The following IL1RAPL2 variants were observed in gnomAD, a reference collection of about 807,000 sequenced individuals.
IL1RAPL2 encodes X-linked interleukin-1 receptor accessory protein-like 2.
Under a neutral mutation model 44.1 loss-of-function variants are expected in IL1RAPL2, and 3 were observed. That is an observed-to-expected ratio of 0.07 (90% CI 0.03 to 0.18). IL1RAPL2 has a LOEUF of 0.18. Among genes scored for constraint, IL1RAPL2 ranks in the 10% least tolerant of loss-of-function variants. The probability of loss-of-function intolerance (pLI) is 1.00; values close to 1 mark genes in which losing one functional copy is unlikely to be tolerated. For synonymous variants in IL1RAPL2, 181 were observed against 178.8 expected (o/e 1.01, Z -0.10); for missense variants, 391 against 496.4 (o/e 0.79, Z 2.02).
intron 2 of IL1RAPL2, among the ~76,000 whole-genome samples, chrX:104,793,306 T>G (rs1932834822): frequency 8.9e-6 from 1 of 112,177 alleles, no homozygotes; most frequent in Non-Finnish European, 1.9e-5. Flanking sequence ...GATTCTAAGT[T>G]AAGAAGAACA....
At chrX:105,133,481 A>G (rs925064862) in intron 2 of IL1RAPL2, among the ~76,000 whole-genome samples, 2 of 111,723 alleles carry the variant, frequency 1.8e-5, no homozygotes, top group Admixed American at 1.9e-4. Flanking sequence ...TAAGTAATGC[A>G]TCTGATGTGT....
chrX:105,213,467 AT>A (rs1417364378), intron 3 of IL1RAPL2, among the ~76,000 whole-genome samples: 3 of 110,248 alleles, frequency 2.7e-5, no homozygotes, highest in African/African-American at 9.9e-5. Context: ...TCCAACAAAT[AT>A]GGGACTATGT....
Position 105,767,516 on chromosome X carries a change from A to G in IL1RAPL2, c.1916A>G (p.His639Arg), listed in dbSNP as rs368014818. 4.8e-5 allele frequency: 58 copies of G among 1,209,141 alleles called. No homozygotes were observed. Among genetic ancestry groups the G allele is most frequent in the Middle Eastern group, 2.3e-4 (1 of 4,353 alleles). The change falls in exon 11 of 11, where the codon CAT (histidine) becomes CGT (arginine). Residue 639 changes from histidine (H) to arginine (R), a missense_variant. Coordinates refer to ENST00000372582, the MANE Select transcript of IL1RAPL2 (RefSeq NM_017416.2). Reference sequence around the variant, plus strand: ...CCAGTACCTTCCTTAGGCAACCACCATACTTATTGTAACCTGCCTCTGACG... The same window carrying G: ...CCAGTACCTTCCTTAGGCAACCACCGTACTTATTGTAACCTGCCTCTGACG... ...TLPVPSLGNH[H>R]TYCNLPLTLL...
At chrX:105,163,818 A>G (rs2033347985) in intron 2 of IL1RAPL2, among the ~76,000 whole-genome samples, 1 of 110,850 alleles carries the variant, frequency 9.0e-6, no homozygotes, top group Non-Finnish European at 1.9e-5. Context: ...AGACTGGCCC[A>G]AGGTCCTTTC....
At chrX:105,258,448 C>T (rs1254373752) in intron 4 of IL1RAPL2, among the ~76,000 whole-genome samples, 1 of 111,713 alleles carries the variant, frequency 9.0e-6, no homozygotes, top group Admixed American at 9.5e-5. Flanking sequence ...CAAGAGTTTT[C>T]TGTATTTCCT....
At chrX:105,088,759 A>T (rs747486770) in intron 2 of IL1RAPL2, among the ~76,000 whole-genome samples, 1 of 111,662 alleles carries the variant, frequency 9.0e-6, no homozygotes, top group East Asian at 2.8e-4. Context: ...TGAATGTAAC[A>T]TCAATAAAGT....
At chrX:105,724,817 G>A (rs1482510373) in intron 7 of IL1RAPL2, among the ~76,000 whole-genome samples, 1 of 111,335 alleles carries the variant, frequency 9.0e-6, no homozygotes, top group African/African-American at 3.3e-5. Context: ...AATCATAAGG[G>A]GAAGACTTCT....
chrX:105,287,178 A>G (rs1272385311), intron 5 of IL1RAPL2, among the ~76,000 whole-genome samples: 1 of 112,050 alleles, frequency 8.9e-6, no homozygotes, highest in East Asian at 2.8e-4. Flanking sequence ...TGACCTAATC[A>G]GTGAGATCAG....
At chrX:105,602,637 C>T (rs2037261959) in intron 6 of IL1RAPL2, among the ~76,000 whole-genome samples, 1 of 110,337 alleles carries the variant, frequency 9.1e-6, no homozygotes, top group Non-Finnish European at 1.9e-5. Context: ...GCACTTTATA[C>T]TCAAATGTCA....
chrX:104,655,357 G>C (rs1009099660), intron 1 of IL1RAPL2, among the ~76,000 whole-genome samples: 10 of 111,492 alleles, frequency 9.0e-5, no homozygotes, highest in African/African-American at 3.3e-4. Context: ...TCAATACCTA[G>C]TTTATTGAGA....
intron 2 of IL1RAPL2, among the ~76,000 whole-genome samples, chrX:105,027,754 T>C (rs1158361098): frequency 9.0e-6 from 1 of 111,499 alleles, no homozygotes; most frequent in African/African-American, 3.3e-5. Flanking sequence ...ATAACCACTA[T>C]GAAGAACAGT....
At chrX:105,595,198 T>C (rs2037199663) in intron 6 of IL1RAPL2, among the ~76,000 whole-genome samples, 1 of 112,154 alleles carries the variant, frequency 8.9e-6, no homozygotes, top group Non-Finnish European at 1.9e-5. Flanking sequence ...TTCCTTTCCA[T>C]TTCCCCTACA....
chrX:105,397,495 G>T (rs919884279), intron 5 of IL1RAPL2, among the ~76,000 whole-genome samples: 6 of 111,365 alleles, frequency 5.4e-5, no homozygotes, highest in Admixed American at 1.9e-4. Context: ...GAAAGAAAGA[G>T]GGAGTGACAG....
intron 5 of IL1RAPL2, among the ~76,000 whole-genome samples, chrX:105,321,949 T>C (rs894352234): frequency 2.7e-5 from 3 of 112,829 alleles, no homozygotes; most frequent in Admixed American, 9.4e-5. Flanking sequence ...GGAGGAGGCT[T>C]TGCAGCCCTA....
chrX:104,593,355 A>T lies in IL1RAPL2; in HGVS notation c.-20+26304A>T, dbSNP rs1928705781. 5.4e-5 allele frequency among the ~76,000 whole-genome samples: 6 copies of T among 111,988 alleles called. No individual in the cohort carries two copies. In the South Asian group the frequency reaches 1.9e-3, roughly 35 times the overall value. On this transcript the variant is annotated intron_variant, in intron 1 of 10. Transcript: ENST00000372582. ...GGATCCAATGTAATGACTTAAAAAA[A>T]TATTTTGGGGAGAAACCATTGCTAG...
At chrX:105,264,717 A>G (rs2034388461) in intron 4 of IL1RAPL2, among the ~76,000 whole-genome samples, 2 of 112,068 alleles carry the variant, frequency 1.8e-5, no homozygotes, top group African/African-American at 6.5e-5. Context: ...GGCTGCTCAC[A>G]TGGTAGTGAA....
intron 6 of IL1RAPL2, among the ~76,000 whole-genome samples, chrX:105,555,588 C>G (rs969842648): frequency 1.8e-5 from 2 of 111,791 alleles, no homozygotes; most frequent in Admixed American, 9.5e-5. Context: ...GGATAAAAAT[C>G]TAGTTTCTTA....
At chrX:104,965,067 C>A (rs2030093328) in intron 2 of IL1RAPL2, among the ~76,000 whole-genome samples, 1 of 111,871 alleles carries the variant, frequency 8.9e-6, no homozygotes, top group Admixed American at 9.5e-5. Context: ...AACTGAAGTA[C>A]TAAGGTAACA....
intron 6 of IL1RAPL2, among the ~76,000 whole-genome samples, chrX:105,593,814 G>A (rs1411853279): frequency 9.0e-6 from 1 of 111,409 alleles, no homozygotes; most frequent in East Asian, 2.8e-4. Flanking sequence ...GGTGTTCCCA[G>A]TCTCCTGGCA....
Sources: gnomAD v4.1 joint callset for allele counts (sites outside exome capture counted in the v4.1 genomes callset) on GRCh38, gnomAD v4.1.1 for gene constraint, MANE v1.5 for transcripts, NCBI Gene and HGNC (gene_info 2026-07-23, HGNC 2026-07-21) for gene names.